Variants in PTDSS2 observed in about 807,000 individuals in gnomAD.
The protein encoded by PTDSS2 is PSS-2.
In PTDSS2, 41 loss-of-function variants were observed where a neutral mutation model predicts 64.7. That is an observed-to-expected ratio of 0.63 (90% CI 0.49 to 0.82). PTDSS2 has a LOEUF of 0.82. PTDSS2 is among the 40% of genes least tolerant of loss of function. PTDSS2 has a pLI of 0.00. For synonymous variants in PTDSS2, 297 were observed against 277.8 expected (o/e 1.07, Z -0.69); for missense variants, 485 against 650.0 (o/e 0.75, Z 2.76).
chr11:455,359 G>T (rs1846537785), intron 1 of PTDSS2, among the ~76,000 whole-genome samples: 1 of 152,286 alleles, frequency 6.6e-6, no homozygotes, highest in African/African-American at 2.4e-5. Flanking sequence ...GGCCCTGTTA[G>T]CTTCCCCACT....
At chr11:487,501 C>T (rs766211382) in intron 6 of PTDSS2, 31 bp downstream of exon 6, 4 of 1,608,564 alleles carry the variant, frequency 2.5e-6, no homozygotes, top group Non-Finnish European at 3.4e-6. Context: ...GGCCTCCCCG[C>T]CCCGGTTCTG....
In PTDSS2 at chr11:479,515, C is replaced by T. The variant is rs1184252196; in HGVS notation, c.435+363C>T. The T allele has an allele frequency of 3.0e-6, 1 of 329,648 alleles. No individual in the cohort carries two copies. The highest frequency in any genetic ancestry group is 2.1e-5 in the African/African-American group (1 of 46,552). The allele number at this position is 329,648 out of a possible 1,614,324, so 20.4% of individuals were successfully genotyped here. A position where few individuals can be genotyped will look rare whatever the true frequency, so the allele number is the denominator to read the frequency against. On this transcript the variant is annotated intron_variant, in intron 4 of 11. Coordinates refer to ENST00000308020, the MANE Select transcript of PTDSS2 (RefSeq NM_030783.3). This position sits in a 1 kb window ranked among gnomAD's most constrained non-coding sequence, Gnocchi z 4.2. ...GGTGCAGCTGCCAGGGTGGCTTTGC[C>T]CACAGCTGTCGTATCTGAGTGCTGG...
intron 2 of PTDSS2, among the ~76,000 whole-genome samples, chr11:467,751 TATAG>T (rs746106974): frequency 3.3e-5 from 5 of 151,976 alleles, no homozygotes; most frequent in African/African-American, 4.8e-5. Context: ...TAGATATAGA[TATAG>T]ATAGATAGAT....
intron 2 of PTDSS2, among the ~76,000 whole-genome samples, chr11:467,060 C>T (rs918941573): frequency 6.6e-6 from 1 of 151,954 alleles, no homozygotes; most frequent in African/African-American, 2.4e-5. Context: ...CTCTTTCAAA[C>T]ACAAACCTGG....
At chr11:482,682 T>C (rs2133823146) in intron 4 of PTDSS2, among the ~76,000 whole-genome samples, 1 of 152,364 alleles carries the variant, frequency 6.6e-6, no homozygotes, top group East Asian at 1.9e-4. Context: ...ACTGAGTGTG[T>C]TAGCTGTGAG....
intron 4 of PTDSS2, among the ~76,000 whole-genome samples, chr11:486,068 C>G (rs1158901002): frequency 6.6e-6 from 1 of 152,084 alleles, no homozygotes; most frequent in East Asian, 1.9e-4. Context: ...TGTGTGTTCA[C>G]CGTGTGCGCA....
intron 1 of PTDSS2, chr11:451,454 G>A: frequency 2.3e-6 from 1 of 436,900 alleles, no homozygotes; most frequent in Non-Finnish European, 4.7e-6. Context: ...CCTGAAAGCA[G>A]GCTTCGTGAG....
rs948178779 is a variant in PTDSS2 at position 490,818 on chromosome 11, G to A, written c.*236G>A. 8.9e-6 allele frequency: 4 copies of A among 447,748 alleles called. No individual in the cohort carries two copies. The African/African-American group carries it at 9.3e-5, about 10-fold the overall frequency. The allele number at this position is 447,748 out of a possible 1,614,324, so 27.7% of individuals were successfully genotyped here. ...TGTGTACGCGTGTGTACGCGCGTGT[G>A]TACACATGCGTGGCCGCCTGTGGTG... On this transcript the variant is annotated 3_prime_UTR_variant, in exon 12 of 12. Coordinates refer to ENST00000308020, the MANE Select transcript of PTDSS2 (RefSeq NM_030783.3).
At chr11:485,336 C>CGT (rs759744167) in intron 4 of PTDSS2, among the ~76,000 whole-genome samples, 3 of 121,908 alleles carry the variant, frequency 2.5e-5, no homozygotes, top group African/African-American at 9.6e-5. Flanking sequence ...TGCACGAGCG[C>CGT]GTGTGTGCTC....
chr11:464,295 T>C (rs1564967983), intron 2 of PTDSS2, among the ~76,000 whole-genome samples: 1 of 152,198 alleles, frequency 6.6e-6, no homozygotes, highest in African/African-American at 2.4e-5. Flanking sequence ...GTTTTGCTTT[T>C]CTTGAGTCAA....
chr11:475,377 A>G (rs1847741654), intron 3 of PTDSS2, among the ~76,000 whole-genome samples: 1 of 149,642 alleles, frequency 6.7e-6, no homozygotes, highest in Non-Finnish European at 1.5e-5. Context: ...ATTTGTGTGT[A>G]TGGACATATT....
intron 2 of PTDSS2, among the ~76,000 whole-genome samples, chr11:472,936 T>G (rs1414919312): frequency 6.6e-6 from 1 of 152,134 alleles, no homozygotes; most frequent in African/African-American, 2.4e-5. Flanking sequence ...TGGGAGGGAC[T>G]GGGTGGTGCA....
intron 4 of PTDSS2, 65 bp from the exon 5 acceptor site, chr11:486,874 T>C (rs55830538): frequency 0.18 from 275,174 of 1,518,352 alleles, 26,596 homozygotes; most frequent in African/African-American, 0.29. Context: ...TAAACAACCA[T>C]GATCTCCCGT....
At chr11:482,332 C>G (rs1246576979) in intron 4 of PTDSS2, among the ~76,000 whole-genome samples, 1 of 151,664 alleles carries the variant, frequency 6.6e-6, no homozygotes, top group Non-Finnish European at 1.5e-5. Flanking sequence ...TAGCGATTCT[C>G]GTGCCTCACC....
At position 460,061 on chromosome 11, in the gene PTDSS2, G is replaced by A. The variant is rs573085946; in HGVS notation, c.183-126G>A. ...GCTAGGGACTCGCAGCCAGTTGCTG[G>A]TTGGGAGTTGGAGAGTGGAGTTTAA... On this transcript the variant is annotated intron_variant, in intron 1 of 11. Transcript: ENST00000308020. The surrounding 1 kb of genome is among the most constrained non-coding windows in gnomAD (Gnocchi z 5.8). The A allele has an allele frequency of 2.8e-6, 2 of 707,106 alleles. No homozygotes were observed. The highest frequency in any genetic ancestry group is 5.5e-5 in the East Asian group (2 of 36,122). The allele number at this position is 707,106 out of a possible 1,614,324, so 43.8% of individuals were successfully genotyped here.
At chr11:453,170 G>A (rs958213067) in intron 1 of PTDSS2, among the ~76,000 whole-genome samples, 7 of 152,156 alleles carry the variant, frequency 4.6e-5, no homozygotes, top group Non-Finnish European at 2.9e-5. Flanking sequence ...GGCCCTGGGA[G>A]CACGAGGCTG....
chr11:455,142 A>G (rs1393506098), intron 1 of PTDSS2, among the ~76,000 whole-genome samples: 1 of 152,156 alleles, frequency 6.6e-6, no homozygotes, highest in Admixed American at 6.5e-5. Context: ...TCTCTTGCAG[A>G]ACAGGGTTGA....
rs535504944 is a variant in PTDSS2 at position 452,261 on chromosome 11, C to T, written c.182+1624C>T. Among the ~76,000 whole-genome samples the T allele has an allele frequency of 7.9e-5, 12 of 152,350 alleles. No individual in the cohort carries two copies. The South Asian group carries it at 1.0e-3, about 13-fold the overall frequency. ...GGGACCCCTACTGCCTGTCAGTTAC[C>T]GTTCTACGGGACATAGCAGAGAACT... On this transcript the variant is annotated intron_variant, in intron 1 of 11. Coordinates refer to ENST00000308020, the MANE Select transcript of PTDSS2 (RefSeq NM_030783.3).
At position 461,512 on chromosome 11, in the gene PTDSS2, C is replaced by T. The variant is rs73385851; in HGVS notation, c.284+1224C>T. Among the ~76,000 whole-genome samples the T allele has an allele frequency of 0.034, 5,112 of 152,278 alleles. 301 individuals carry two copies. The highest frequency in any genetic ancestry group is 0.12 in the African/African-American group (4,854 of 41,552). ...CTCCCCAGATGAGCTCACCCTCCAT[C>T]CTCACCTGGGAGGCGCAGGTGGCCT... On this transcript the variant is annotated intron_variant, in intron 2 of 11. Coordinates refer to ENST00000308020, the MANE Select transcript of PTDSS2 (RefSeq NM_030783.3). The surrounding 1 kb of genome is among the most constrained non-coding windows in gnomAD (Gnocchi z 4.2).
Sources: allele counts gnomAD v4.1 joint callset (sites outside exome capture counted in the v4.1 genomes callset), GRCh38; gene constraint gnomAD v4.1.1; non-coding constraint Gnocchi (gnomAD v3.1); transcripts MANE v1.5; gene names NCBI Gene and HGNC (gene_info 2026-07-23, HGNC 2026-07-21).